The following CRYBG2 variants were observed in gnomAD, a reference collection of about 807,000 sequenced individuals.
CRYBG2 encodes the protein crystallin beta-gamma domain containing 2.
CRYBG2 carries 106 observed loss-of-function variants against 153.4 expected under a neutral mutation model. That is an observed-to-expected ratio of 0.69 (90% CI 0.59 to 0.81). CRYBG2 has a LOEUF of 0.81. Ranked by LOEUF, CRYBG2 falls within the 30% of genes least tolerant of loss-of-function variation. The pLI is 0.00. For missense variants in CRYBG2, 1,996 were observed against 2,112.0 expected (o/e 0.95, Z 1.08); for synonymous variants, 851 against 877.8 (o/e 0.97, Z 0.54).
At chr1:26,352,794 C>G (rs866478048) in intron 1 of CRYBG2, among the ~76,000 whole-genome samples, 5 of 150,842 alleles carry the variant, frequency 3.3e-5, no homozygotes, top group African/African-American at 9.8e-5. Flanking sequence ...CCTCCACCCC[C>G]CTTCCCTCTC....
chr1:26,342,763 C>G lies in CRYBG2; in HGVS notation c.3195G>C (p.Arg1065Ser), dbSNP rs527968538. The stretch of plus-strand genomic sequence containing the variant: ...CCTCCAACTCACTCACCCAGACAAC[C>G]CTCCTTAGGGAGCCGATGCCTTGGG... Reference protein sequence around the residue: ...WSPQGIGSLRRVVWDYSTPEI... With the variant: ...WSPQGIGSLRSVVWDYSTPEI... Residue 1065 changes from arginine (R) to serine (S), a missense_variant, in exon 5 of 20, where the codon AGG becomes AGC. Arg to Ser is a moderately radical substitution (Grantham distance 110). Transcript: ENST00000308182. The G allele has an allele frequency of 2.1e-4, 340 of 1,613,630 alleles. 3 individuals are homozygous for G. The South Asian group carries it at 3.5e-3, about 17-fold the overall frequency.
At chr1:26,350,182 T>C (rs12129995) in intron 1 of CRYBG2, among the ~76,000 whole-genome samples, 10,274 of 152,222 alleles carry the variant, frequency 0.067, 452 homozygotes, top group Non-Finnish European at 0.096. Context: ...TGCCATGTGA[T>C]GCTCTGAGCC....
chr1:26,335,305 C>A (rs2074041721), intron 14 of CRYBG2, among the ~76,000 whole-genome samples: 1 of 151,392 alleles, frequency 6.6e-6, no homozygotes, highest in Non-Finnish European at 1.5e-5. Flanking sequence ...GGAGAAACCC[C>A]ATCTCTACTA....
intron 1 of CRYBG2, among the ~76,000 whole-genome samples, chr1:26,348,186 C>T (rs561956010): frequency 6.6e-6 from 1 of 152,278 alleles, no homozygotes; most frequent in Non-Finnish European, 1.5e-5. Context: ...GGTGTGCACA[C>T]GTGTGTATGG....
At chr1:26,350,885 C>G (rs2074279168) in intron 1 of CRYBG2, among the ~76,000 whole-genome samples, 1 of 152,042 alleles carries the variant, frequency 6.6e-6, no homozygotes, top group African/African-American at 2.4e-5. Context: ...CCACTCCCCT[C>G]CCCCATTTCC....
chr1:26,338,208 A>G (rs1283206009), intron 7 of CRYBG2, 143 bp downstream of exon 7: 5 of 1,420,686 alleles, frequency 3.5e-6, no homozygotes, highest in East Asian at 2.4e-5. Context: ...CCCATTCCCA[A>G]TAGAAGCTCC....
intron 1 of CRYBG2, among the ~76,000 whole-genome samples, chr1:26,347,864 G>A (rs2074245221): frequency 6.6e-6 from 1 of 152,154 alleles, no homozygotes; most frequent in Non-Finnish European, 1.5e-5. Flanking sequence ...GGGCTGAAGT[G>A]ATCCTCCCAC....
Position 26,337,571 on chromosome 1 carries a change from G to C in CRYBG2, c.3611C>G (p.Ala1204Gly). Residue 1204 changes from alanine to glycine, a missense_variant, in exon 9 of 20, where the codon GCC (alanine) becomes GGC (glycine). Ala to Gly is a moderately conservative substitution (Grantham distance 60). Transcript: ENST00000308182. ...GAGAACTCTCAGGGACCCCACAGAG[G>C]CCAGGTGGGGGCTCTGGCTGTCCTC... Reference protein sequence around the residue: ...QPEDSQSPHLASVGSLRVLGG... With the variant: ...QPEDSQSPHLGSVGSLRVLGG... 6.2e-7 allele frequency: 1 copy of C among 1,612,884 alleles called. No homozygotes were observed. The highest frequency in any genetic ancestry group is 1.1e-5 in the South Asian group (1 of 91,060).
chr1:26,336,284 G>A lies in CRYBG2; in HGVS notation c.4071+54C>T. 1 of 1,608,802 alleles carries A rather than the reference G, an allele frequency of 6.2e-7. No homozygotes were observed. Among genetic ancestry groups the A allele is most frequent in the Non-Finnish European group, 8.5e-7 (1 of 1,177,050 alleles). On this transcript the variant is annotated intron_variant, in intron 13 of 19. Coordinates refer to ENST00000308182, the MANE Select transcript of CRYBG2 (RefSeq NM_001039775.4). This position sits in a 1 kb window ranked among gnomAD's most constrained non-coding sequence, Gnocchi z 4.9. ...AGAACAGCGGGGAGGGGAAAGGTCC[G>A]AAATGAGGGGAGAGACGTGAGCCCA...
At chr1:26,327,508 A>G (rs998794094) in intron 17 of CRYBG2, among the ~76,000 whole-genome samples, 3 of 151,122 alleles carry the variant, frequency 2.0e-5, no homozygotes, top group African/African-American at 7.3e-5. Flanking sequence ...AATTAGCCAG[A>G]TGTGGTGGCA....
In CRYBG2 at chr1:26,336,603, C is replaced by A. The variant is rs1263809861; in HGVS notation, c.4038+3G>T. On this transcript the variant is annotated splice_donor_region_variant and intron_variant, in intron 12 of 19. Coordinates refer to ENST00000308182, the MANE Select transcript of CRYBG2 (RefSeq NM_001039775.4). The surrounding 1 kb of genome is among the most constrained non-coding windows in gnomAD (Gnocchi z 4.9). ...GGCCCCGCCCCCCGCGGCCGGCACG[C>A]ACCTGTAGGACCGGCTGCAGCGAGG... is the stretch of plus-strand genomic sequence containing the variant. The A allele has an allele frequency of 6.5e-7, 1 of 1,549,290 alleles. No homozygotes were observed. The highest frequency in any genetic ancestry group is 8.7e-7 in the Non-Finnish European group (1 of 1,146,334).
chr1:26,343,734 G>T lies in CRYBG2; in HGVS notation c.2913+11C>A. On this transcript the variant is annotated intron_variant, in intron 2 of 19. Transcript: ENST00000308182. The surrounding 1 kb of genome is among the most constrained non-coding windows in gnomAD (Gnocchi z 4.1). Reference sequence around the variant, plus strand: ...CAGGCACCTCCCTTGCCCACCCGAGGCCTCACTTACCCACCCCTCCAGGGG... The same window carrying T: ...CAGGCACCTCCCTTGCCCACCCGAGTCCTCACTTACCCACCCCTCCAGGGG... 1 of 1,444,068 alleles carries T rather than the reference G, an allele frequency of 6.9e-7. No individual in the cohort carries two copies. The highest frequency in any genetic ancestry group is 1.9e-4 in the Middle Eastern group (1 of 5,210). The allele number at this position is 1,444,068 out of a possible 1,614,324, so 89.5% of individuals were successfully genotyped here.
At position 26,322,224 on chromosome 1, in the gene CRYBG2, T is replaced by C. The variant is rs1226107060; in HGVS notation, c.4837A>G (p.Ile1613Val). Residue 1613 changes from isoleucine (I) to valine (V), a missense_variant, in exon 19 of 20, where the codon ATC becomes GTC. Transcript: ENST00000308182. The stretch of plus-strand genomic sequence containing the variant: ...CTGCAGATGTGGCCCGATTCACTGA[T>C]GCTCCACGTCTGGCGCGGCAGGCGG... ...ESRLPRQTWSISESGHICSQM... is the reference protein window; with the variant it reads ...ESRLPRQTWSVSESGHICSQM... The C allele has an allele frequency of 2.5e-6, 4 of 1,614,226 alleles. No individual in the cohort carries two copies. The highest frequency in any genetic ancestry group is 2.5e-6 in the Non-Finnish European group (3 of 1,180,038).
chr1:26,351,110 A>G (rs1325911417), intron 1 of CRYBG2, among the ~76,000 whole-genome samples: 2 of 151,990 alleles, frequency 1.3e-5, no homozygotes, highest in Non-Finnish European at 2.9e-5. Context: ...AGCCCTGGTC[A>G]TTTTCCCAGG....
intron 15 of CRYBG2, among the ~76,000 whole-genome samples, chr1:26,330,174 C>T (rs2073982559): frequency 6.6e-6 from 1 of 152,158 alleles, no homozygotes; most frequent in South Asian, 2.1e-4. Context: ...TTACTACAGG[C>T]CATGTTATGC....
In CRYBG2 at chr1:26,346,131, C is replaced by G. The variant is rs758067253; in HGVS notation, c.527G>C (p.Arg176Pro). ...SRSLEEYRVTRTVRTTTVVGG... is the reference protein window; with the variant it reads ...SRSLEEYRVTPTVRTTTVVGG... ...CACCACTGTGGTGGTCCGCACAGTG[C>G]GTGTCACTCGGTATTCCTCGAGGCT... Residue 176 changes from arginine (R) to proline (P), a missense_variant, in exon 2 of 20, where the codon CGC (arginine) becomes CCC (proline). Arg to Pro is a moderately radical substitution (Grantham distance 103). Coordinates refer to ENST00000308182, the MANE Select transcript of CRYBG2 (RefSeq NM_001039775.4). This position sits in a 1 kb window ranked among gnomAD's most constrained non-coding sequence, Gnocchi z 4.9. 5.1e-6 allele frequency: 8 copies of G among 1,560,670 alleles called. No homozygotes were observed. The African/African-American group carries it at 8.1e-5, about 16-fold the overall frequency.
chr1:26,344,203 C>G lies in CRYBG2; in HGVS notation c.2455G>C (p.Glu819Gln). Residue 819 changes from glutamate (E) to glutamine (Q), a missense_variant, in exon 2 of 20, where the codon GAG (glutamate) becomes CAG (glutamine). Physicochemically the swap from Glu to Gln is conservative, Grantham distance 29 (BLOSUM62 2). Transcript: ENST00000308182. The stretch of plus-strand genomic sequence containing the variant: ...TCTTTCTCTTCCAGTGAAGGCACCT[C>G]CTGGGGTCCGGGGCCCAGCACCCAT... The part of the protein sequence containing the change: ...GPWVLGPGPQ[E>Q]VPSLEEKEEE... The G allele has an allele frequency of 6.5e-7, 1 of 1,535,816 alleles. No individual in the cohort carries two copies. Among genetic ancestry groups the G allele is most frequent in the Non-Finnish European group, 8.7e-7 (1 of 1,146,682 alleles).
intron 5 of CRYBG2, among the ~76,000 whole-genome samples, chr1:26,341,143 C>T (rs2074124362): frequency 6.6e-6 from 1 of 151,740 alleles, no homozygotes; most frequent in Non-Finnish European, 1.5e-5. Context: ...TCGAGACCAT[C>T]CTGGCTAACA....
rs1420662790 is a variant in CRYBG2, at chr1:26,331,593, A to T, written c.4210T>A (p.Phe1404Ile). ...GSWILFDETN[F>I]EGDQHILSEG... ...GAGAGAATGTGCTGGTCACCCTCGA[A>T]GTTCGTCTCATCAAACAGGATCCAG... Residue 1404 changes from phenylalanine to isoleucine, a missense_variant, in exon 15 of 20, where the codon TTC becomes ATC. Phe to Ile is a conservative substitution (Grantham distance 21). Coordinates refer to ENST00000308182, the MANE Select transcript of CRYBG2 (RefSeq NM_001039775.4). 2 of 1,613,898 alleles carry T rather than the reference A, an allele frequency of 1.2e-6. No homozygotes were observed. Among genetic ancestry groups the T allele is most frequent in the Non-Finnish European group, 1.7e-6 (2 of 1,179,990 alleles).
Sources: allele counts gnomAD v4.1 joint callset (sites outside exome capture counted in the v4.1 genomes callset), GRCh38; gene constraint gnomAD v4.1.1; non-coding constraint Gnocchi (gnomAD v3.1); transcripts MANE v1.5; gene names NCBI Gene and HGNC (gene_info 2026-07-23, HGNC 2026-07-21).